Variants in ZFPM2 observed in about 807,000 individuals in gnomAD.
The protein encoded by ZFPM2 is zinc finger protein ZFPM2.
ZFPM2 carries 20 observed loss-of-function variants against 98.6 expected under a neutral mutation model. That is an observed-to-expected ratio of 0.20 (90% CI 0.14 to 0.29). The LOEUF (loss-of-function observed/expected upper bound fraction) is 0.29. Ranked by LOEUF, ZFPM2 falls within the 10% of genes least tolerant of loss-of-function variation. The probability of loss-of-function intolerance (pLI) is 1.00; values close to 1 mark genes in which losing one functional copy is unlikely to be tolerated. For missense variants in ZFPM2, 1,310 were observed against 1,388.6 expected (o/e 0.94, Z 0.90); for synonymous variants, 518 against 502.7 (o/e 1.03, Z -0.41).
At chr8:105,401,186 C>A (rs915806772) in intron 1 of ZFPM2, among the ~76,000 whole-genome samples, 5 of 151,346 alleles carry the variant, frequency 3.3e-5, no homozygotes, top group African/African-American at 1.2e-4. Context: ...GAGTTTTTTA[C>A]TGTTTGAAAT....
chr8:105,709,339 T>C (rs2130972302), intron 5 of ZFPM2, among the ~76,000 whole-genome samples: 1 of 152,346 alleles, frequency 6.6e-6, no homozygotes, highest in Middle Eastern at 3.4e-3. Context: ...ATAGTCTATA[T>C]TACTGGCCTT....
At chr8:105,419,538 G>A (rs1811752118) in intron 2 of ZFPM2, among the ~76,000 whole-genome samples, 1 of 152,038 alleles carries the variant, frequency 6.6e-6, no homozygotes, top group Non-Finnish European at 1.5e-5. Flanking sequence ...AATTAACTAT[G>A]CACATTCTTC....
intron 1 of ZFPM2, chr8:105,319,657 G>C (rs1438128465): frequency 6.6e-6 from 1 of 152,376 alleles, no homozygotes; most frequent in Non-Finnish European, 1.5e-5. Context: ...ACGCCGCCAG[G>C]ACGCTCAGCC....
chr8:105,781,108 C>A (rs1385092291), intron 5 of ZFPM2, among the ~76,000 whole-genome samples: 1 of 152,140 alleles, frequency 6.6e-6, no homozygotes, highest in East Asian at 1.9e-4. Context: ...CTAAAATATA[C>A]TGAAGCCCAA....
intron 2 of ZFPM2, 28 bp downstream of exon 2, chr8:105,419,330 G>A: frequency 4.4e-6 from 7 of 1,604,800 alleles, no homozygotes; most frequent in Non-Finnish European, 5.9e-6. Context: ...GATGTAATAT[G>A]TGAGTCCACT....
intron 5 of ZFPM2, among the ~76,000 whole-genome samples, chr8:105,693,130 T>C (rs979620608): frequency 3.3e-5 from 5 of 152,206 alleles, no homozygotes; most frequent in African/African-American, 1.2e-4. Flanking sequence ...GAGAAGAAGG[T>C]TTATTTTATG....
At chr8:105,485,660 G>A (rs1813217246) in intron 3 of ZFPM2, among the ~76,000 whole-genome samples, 1 of 152,148 alleles carries the variant, frequency 6.6e-6, no homozygotes, top group African/African-American at 2.4e-5. Context: ...CTGAGAAGAG[G>A]GAAGAGCAAC....
intron 4 of ZFPM2, among the ~76,000 whole-genome samples, chr8:105,600,540 T>A (rs1470640903): frequency 7.9e-5 from 12 of 152,160 alleles, no homozygotes; most frequent in African/African-American, 2.9e-4. Context: ...AAGGTTTTTG[T>A]TTCATGAATT....
At chr8:105,589,905 T>C (rs1815805609) in intron 4 of ZFPM2, among the ~76,000 whole-genome samples, 1 of 152,050 alleles carries the variant, frequency 6.6e-6, no homozygotes, top group African/African-American at 2.4e-5. Context: ...TATTTTTTAG[T>C]AGAGACAGGG....
intron 1 of ZFPM2, among the ~76,000 whole-genome samples, chr8:105,413,484 A>T (rs1311330040): frequency 1.1e-3 from 73 of 68,868 alleles, no homozygotes; most frequent in African/African-American, 2.4e-3. Flanking sequence ...TTCAAACATT[A>T]TATATATATA....
intron 3 of ZFPM2, among the ~76,000 whole-genome samples, chr8:105,556,451 T>G (rs1199681234): frequency 6.6e-6 from 1 of 152,270 alleles, no homozygotes; most frequent in Non-Finnish European, 1.5e-5. Flanking sequence ...CACAGCAACC[T>G]TTTTAGAAAG....
At chr8:105,797,651 T>A (rs1281401831) in intron 6 of ZFPM2, among the ~76,000 whole-genome samples, 5 of 152,122 alleles carry the variant, frequency 3.3e-5, no homozygotes, top group African/African-American at 1.2e-4. Context: ...GCCTCCCAGC[T>A]CCTCTCTCAG....
At chr8:105,353,435 G>T (rs145820554) in intron 1 of ZFPM2, among the ~76,000 whole-genome samples, 1 of 152,194 alleles carries the variant, frequency 6.6e-6, no homozygotes, top group African/African-American at 2.4e-5. Flanking sequence ...CACAGGCAAG[G>T]ATTTTTGTTG....
At chr8:105,485,429 G>T (rs1002213681) in intron 3 of ZFPM2, among the ~76,000 whole-genome samples, 2 of 152,108 alleles carry the variant, frequency 1.3e-5, no homozygotes, top group African/African-American at 4.8e-5. Context: ...TGAGGGAGGA[G>T]ATCTCTTGAG....
intron 1 of ZFPM2, among the ~76,000 whole-genome samples, chr8:105,394,957 T>G (rs556530100): frequency 3.8e-4 from 58 of 152,302 alleles, no homozygotes; most frequent in Admixed American, 2.4e-3. Context: ...TCAAACAGTC[T>G]TTTCTGGTCC....
chr8:105,546,347 C>T (rs1444019363), intron 3 of ZFPM2, among the ~76,000 whole-genome samples: 6 of 152,042 alleles, frequency 3.9e-5, no homozygotes, highest in Non-Finnish European at 5.9e-5. Context: ...GAGGCTGAGG[C>T]GGGTGGATCA....
chr8:105,382,370 A>G (rs1280851305), intron 1 of ZFPM2, among the ~76,000 whole-genome samples: 1 of 152,068 alleles, frequency 6.6e-6, no homozygotes, highest in African/African-American at 2.4e-5. Context: ...TTAATCCTGT[A>G]TGTCTAATAT....
intron 1 of ZFPM2, among the ~76,000 whole-genome samples, chr8:105,374,436 A>G (rs371222705): frequency 1.3e-5 from 2 of 150,878 alleles, no homozygotes; most frequent in South Asian, 2.1e-4. Flanking sequence ...GGGTCTTGCT[A>G]TTTCTCCCAG....
intron 1 of ZFPM2, among the ~76,000 whole-genome samples, chr8:105,348,190 A>T (rs934967645): frequency 6.6e-6 from 1 of 152,226 alleles, no homozygotes; most frequent in African/African-American, 2.4e-5. Flanking sequence ...AGTAAGGACC[A>T]AGGAAATGGT....
Sources: allele counts gnomAD v4.1 joint callset (sites outside exome capture counted in the v4.1 genomes callset), GRCh38; gene constraint gnomAD v4.1.1; transcripts MANE v1.5; gene names NCBI Gene and HGNC (gene_info 2026-07-23, HGNC 2026-07-21).